Variants in WIPI2 observed in about 807,000 individuals in gnomAD.
WIPI2 encodes WD repeat domain, phosphoinositide interacting 2, also known as WD repeat domain phosphoinositide-interacting protein 2.
A neutral mutation model predicts 52.3 loss-of-function variants in WIPI2; 28 were observed. The ratio of observed to expected loss-of-function variants is 0.54; its 90% CI spans 0.40 to 0.73. WIPI2 has a LOEUF of 0.73. WIPI2 is among the 30% of genes least tolerant of loss of function. WIPI2 has a pLI of 0.00. For synonymous variants in WIPI2, 268 were observed against 245.0 expected (o/e 1.09, Z -0.88); for missense variants, 506 against 602.9 (o/e 0.84, Z 1.68).
intron 8 of WIPI2, among the ~76,000 whole-genome samples, chr7:5,225,270 A>G (rs6964448): frequency 0.028 from 4,207 of 152,012 alleles, 200 homozygotes; most frequent in African/African-American, 0.097. Context: ...CCTCCCGAGT[A>G]GCTGGGACTA....
In WIPI2 at chr7:5,227,985, T is replaced by G; in HGVS notation, c.1014-119T>G. 1 of 898,528 alleles carries G rather than the reference T, an allele frequency of 1.1e-6. No homozygotes were observed. The highest frequency in any genetic ancestry group is 1.4e-5 in the South Asian group (1 of 70,918). The allele number at this position is 898,528 out of a possible 1,614,324, so 55.7% of individuals were successfully genotyped here. On this transcript the variant is annotated intron_variant, in intron 10 of 12. Transcript: ENST00000288828. The surrounding 1 kb of genome is among the most constrained non-coding windows in gnomAD (Gnocchi z 8.1). ...CAGTGGGGCGCCAGACACCTGCAGCTGCCCTTGTGCTCATCTTGCTGGGGT... is the reference window on the plus strand; with the variant it reads ...CAGTGGGGCGCCAGACACCTGCAGCGGCCCTTGTGCTCATCTTGCTGGGGT...
intron 8 of WIPI2, among the ~76,000 whole-genome samples, chr7:5,225,013 G>A (rs1442437327): frequency 6.6e-6 from 1 of 152,190 alleles, no homozygotes; most frequent in East Asian, 1.9e-4. Context: ...ATTACGGACA[G>A]GGCTAAAAGT....
intron 10 of WIPI2, 84 bp from the exon 11 acceptor site, chr7:5,228,020 C>A: frequency 1.5e-6 from 2 of 1,334,526 alleles, no homozygotes; most frequent in South Asian, 1.2e-5. Flanking sequence ...TCTCTTTCCT[C>A]GCCTGCCAAA....
chr7:5,207,013 A>G (rs942767587), intron 3 of WIPI2, among the ~76,000 whole-genome samples: 3 of 152,142 alleles, frequency 2.0e-5, no homozygotes, highest in Non-Finnish European at 4.4e-5. Context: ...TCCTGGGCTC[A>G]AGTGATCCAC....
At chr7:5,223,132 G>A (rs898245045) in intron 8 of WIPI2, among the ~76,000 whole-genome samples, 1 of 152,184 alleles carries the variant, frequency 6.6e-6, no homozygotes, top group African/African-American at 2.4e-5. Context: ...CCTCCCTCCA[G>A]GCTGCAAAGC....
intron 7 of WIPI2, 127 bp downstream of exon 7, chr7:5,218,141 C>A: frequency 1.0e-6 from 1 of 977,024 alleles, no homozygotes; most frequent in Non-Finnish European, 1.6e-6. Context: ...CAAAGACAGC[C>A]ACCCACTTGT....
chr7:5,214,004 A>G (rs1782689240), intron 3 of WIPI2, among the ~76,000 whole-genome samples: 2 of 152,180 alleles, frequency 1.3e-5, no homozygotes, highest in Admixed American at 1.3e-4. Flanking sequence ...CATTTCTTAG[A>G]ACGTATGTCA....
chr7:5,208,356 T>A (rs1782391067), intron 3 of WIPI2, among the ~76,000 whole-genome samples: 1 of 152,166 alleles, frequency 6.6e-6, no homozygotes. Flanking sequence ...TCTCCTAGTC[T>A]GTGGCTTGCC....
At chr7:5,217,417 G>T in intron 6 of WIPI2, 1 of 522,700 alleles carries the variant, frequency 1.9e-6, no homozygotes, top group Non-Finnish European at 3.5e-6. Flanking sequence ...TGATCCTCCT[G>T]CCTCAGCCTC....
intron 3 of WIPI2, among the ~76,000 whole-genome samples, chr7:5,210,853 G>T (rs1379436255): frequency 2.0e-5 from 3 of 152,134 alleles, no homozygotes; most frequent in Admixed American, 2.0e-4. Flanking sequence ...TTTTGTGTGT[G>T]CTTCCCTGCC....
At chr7:5,196,801 A>G (rs1156771835) in intron 2 of WIPI2, among the ~76,000 whole-genome samples, 1 of 151,994 alleles carries the variant, frequency 6.6e-6, no homozygotes, top group Non-Finnish European at 1.5e-5. Context: ...CAAGAGATGG[A>G]AAAATATTTT....
intron 3 of WIPI2, among the ~76,000 whole-genome samples, chr7:5,201,692 G>C (rs1175120266): frequency 6.6e-6 from 1 of 152,226 alleles, no homozygotes; most frequent in Non-Finnish European, 1.5e-5. Flanking sequence ...GTTGCAGTGA[G>C]CCAAGATTGT....
intron 2 of WIPI2, among the ~76,000 whole-genome samples, chr7:5,198,384 G>T (rs1385933953): frequency 6.6e-6 from 1 of 150,932 alleles, no homozygotes; most frequent in Non-Finnish European, 1.5e-5. Context: ...CGCAATCTCC[G>T]CTCACTGCAG....
chr7:5,195,123 A>T (rs1290723066), intron 2 of WIPI2, among the ~76,000 whole-genome samples: 36 of 152,092 alleles, frequency 2.4e-4, no homozygotes, highest in Non-Finnish European at 4.4e-5. Flanking sequence ...ATACTGGCAA[A>T]ATGGGGGATT....
chr7:5,231,714 C>T lies in WIPI2; in HGVS notation c.*767C>T, dbSNP rs1345842008. ...TGTTTGTATAATTAAATGATCTGTT[C>T]TTCTACTTCACTCTTCCTGTTGAAA... On this transcript the variant is annotated 3_prime_UTR_variant, in exon 13 of 13. Transcript: ENST00000288828. The T allele has an allele frequency of 2.0e-5, 3 of 153,250 alleles. No individual in the cohort carries two copies. Among genetic ancestry groups the T allele is most frequent in the African/African-American group, 7.3e-5 (3 of 41,226 alleles). 9.5% of individuals were successfully genotyped at this position (153,250 alleles called of 1,614,324 possible).
chr7:5,229,881 A>G, intron 12 of WIPI2, 143 bp downstream of exon 12: 1 of 1,222,918 alleles, frequency 8.2e-7, no homozygotes, highest in Non-Finnish European at 1.1e-6. Flanking sequence ...GAGGTTGGTA[A>G]ATGGGTGTTC....
intron 7 of WIPI2, 170 bp downstream of exon 7, chr7:5,218,184 C>A (rs1395593512): frequency 3.2e-6 from 2 of 622,556 alleles, no homozygotes; most frequent in Non-Finnish European, 2.8e-6. Flanking sequence ...CGAGAGTGAG[C>A]GGAGCTTGCA....
chr7:5,231,961 A>G lies in WIPI2; in HGVS notation c.*1014A>G, dbSNP rs1004169724. The G allele has an allele frequency of 1.0e-5, 4 of 382,620 alleles. No homozygotes were observed. The highest frequency in any genetic ancestry group is 8.3e-5 in the African/African-American group (4 of 48,278). 23.7% of individuals were successfully genotyped at this position (382,620 alleles called of 1,614,324 possible). A position where few individuals can be genotyped will look rare whatever the true frequency, so the allele number is the denominator to read the frequency against. ...GGGCGTCATGTGCCTTTCTATTTTC[A>G]TCTTAGAAAATTTCCTCAGCAAACC... On this transcript the variant is annotated 3_prime_UTR_variant, in exon 13 of 13. Coordinates refer to ENST00000288828, the MANE Select transcript of WIPI2 (RefSeq NM_015610.4).
At chr7:5,198,176 G>A (rs775579278) in intron 2 of WIPI2, among the ~76,000 whole-genome samples, 9 of 152,102 alleles carry the variant, frequency 5.9e-5, no homozygotes, top group Non-Finnish European at 1.0e-4. Context: ...AGTCCGTTTC[G>A]TTTCCAGCCC....
Sources: gnomAD v4.1 joint callset for allele counts (sites outside exome capture counted in the v4.1 genomes callset) on GRCh38, gnomAD v4.1.1 for gene constraint, Gnocchi (gnomAD v3.1) non-coding constraint, MANE v1.5 for transcripts, NCBI Gene and HGNC (gene_info 2026-07-23, HGNC 2026-07-21) for gene names.